The following EMILIN2 variants were observed in gnomAD, a reference collection of about 807,000 sequenced individuals.
The protein encoded by EMILIN2 is elastin microfibril interfacer 2.
Under a neutral mutation model 87.1 loss-of-function variants are expected in EMILIN2, and 71 were observed. The observed-to-expected ratio is 0.82, with a 90% CI of 0.67 to 0.99. EMILIN2 has a LOEUF of 0.99. EMILIN2 is among the 50% of genes least tolerant of loss of function. The pLI is 0.00. For synonymous variants in EMILIN2, 581 were observed against 563.4 expected (o/e 1.03, Z -0.44); for missense variants, 1,407 against 1,371.8 (o/e 1.03, Z -0.40).
intron 2 of EMILIN2, among the ~76,000 whole-genome samples, chr18:2,868,471 C>G (rs1486388223): frequency 6.6e-6 from 1 of 152,196 alleles, no homozygotes; most frequent in African/African-American, 2.4e-5. Flanking sequence ...TTGCAGCCAG[C>G]CAAGATCACA....
rs1345943316 is a variant in EMILIN2, at chr18:2,847,694, G to A, written c.135-115G>A. On this transcript the variant is annotated intron_variant, in intron 1 of 7. Coordinates refer to ENST00000254528, the MANE Select transcript of EMILIN2 (RefSeq NM_032048.3). The surrounding 1 kb of genome is among the most constrained non-coding windows in gnomAD (Gnocchi z 4.5). ...TCGGTGAAGCTCCCGCCTCCGCAGAGGGCGACGGGCCCCCCCGACCCTCGC... is the reference window on the plus strand; with the variant it reads ...TCGGTGAAGCTCCCGCCTCCGCAGAAGGCGACGGGCCCCCCCGACCCTCGC... The A allele has an allele frequency of 6.9e-7, 1 of 1,452,942 alleles. No individual in the cohort carries two copies. Among genetic ancestry groups the A allele is most frequent in the Admixed American group, 2.4e-5 (1 of 41,518 alleles). The allele number at this position is 1,452,942 out of a possible 1,614,324, so 90.0% of individuals were successfully genotyped here. A position where few individuals can be genotyped will look rare whatever the true frequency, so the allele number is the denominator to read the frequency against.
chr18:2,890,565 T>A lies in EMILIN2; in HGVS notation c.438T>A (p.Asn146Lys), dbSNP rs377507109. 3.2e-6 allele frequency: 5 copies of A among 1,562,470 alleles called. No homozygotes were observed. The highest frequency in any genetic ancestry group is 4.3e-6 in the Non-Finnish European group (5 of 1,151,634). The change falls in exon 4 of 8, where the codon AAT (asparagine) becomes AAA (lysine). Residue 146 changes from asparagine to lysine, a missense_variant. Asn to Lys is a moderately conservative substitution (Grantham distance 94, BLOSUM62 0). Transcript: ENST00000254528. This position sits in a 1 kb window ranked among gnomAD's most constrained non-coding sequence, Gnocchi z 4.7. ...PRNSLKKATD[N>K]EPSQFSEPRK... ...CCAACTTTATCTTTGTAACAGATAA[T>A]GAACCCAGCCAATTCTCAGAGCCCA...
At position 2,847,932 on chromosome 18, in the gene EMILIN2, G is replaced by T; in HGVS notation, c.257+1G>T. ...AGATGCCCTGTCCGTCGGCGCTGGT[G>T]TAAGTCCTGGAGCCGGGGAGCGGGC... On this transcript the variant is annotated splice_donor_variant, in intron 2 of 7. Transcript: ENST00000254528. LOFTEE classifies it high-confidence loss of function. This position sits in a 1 kb window ranked among gnomAD's most constrained non-coding sequence, Gnocchi z 4.5. The T allele has an allele frequency of 6.3e-7, 1 of 1,577,740 alleles. No individual in the cohort carries two copies. The highest frequency in any genetic ancestry group is 8.6e-7 in the Non-Finnish European group (1 of 1,160,306).
At position 2,907,062 on chromosome 18, in the gene EMILIN2, C is replaced by T. The variant is rs1389381381; in HGVS notation, c.2639C>T (p.Ala880Val). 2.4e-6 allele frequency: 3 copies of T among 1,257,920 alleles called. No homozygotes were observed. The highest frequency in any genetic ancestry group is 3.1e-4 in the Middle Eastern group (1 of 3,254). 77.9% of individuals were successfully genotyped at this position (1,257,920 alleles called of 1,614,324 possible). ...GQTGSGTVPGAEGFAGAPGYP... is the reference protein window; with the variant it reads ...GQTGSGTVPGVEGFAGAPGYP... Reference sequence around the variant, plus strand: ...ACCGGGAGCGGCACCGTCCCCGGCGCAGAAGGCTTCGCGGGCGCACCAGGT... The same window carrying T: ...ACCGGGAGCGGCACCGTCCCCGGCGTAGAAGGCTTCGCGGGCGCACCAGGT... Residue 880 changes from alanine (A) to valine (V), a missense_variant, in exon 5 of 8, where the codon GCA becomes GTA. Coordinates refer to ENST00000254528, the MANE Select transcript of EMILIN2 (RefSeq NM_032048.3).
chr18:2,906,223 C>G (rs920304162), intron 4 of EMILIN2: 1 of 152,226 alleles, frequency 6.6e-6, no homozygotes, highest in East Asian at 1.9e-4. Flanking sequence ...GGCCGGGAGA[C>G]GCACGCCAGG....
intron 3 of EMILIN2, among the ~76,000 whole-genome samples, chr18:2,888,401 G>A (rs182089097): frequency 2.4e-4 from 36 of 151,962 alleles, no homozygotes; most frequent in African/African-American, 8.0e-4. Context: ...TCAGTAACTT[G>A]TTTTTTTCTT....
At chr18:2,866,343 C>T (rs2076686777) in intron 2 of EMILIN2, among the ~76,000 whole-genome samples, 1 of 152,208 alleles carries the variant, frequency 6.6e-6, no homozygotes, top group Non-Finnish European at 1.5e-5. Flanking sequence ...GCTCCTTCCC[C>T]TCTATGATTT....
At chr18:2,896,486 ATATT>A (rs1194067632) in intron 4 of EMILIN2, among the ~76,000 whole-genome samples, 4 of 151,842 alleles carry the variant, frequency 2.6e-5, no homozygotes, top group Non-Finnish European at 5.9e-5. Flanking sequence ...AGATATATAT[ATATT>A]TGAGACAGGA....
intron 2 of EMILIN2, among the ~76,000 whole-genome samples, chr18:2,858,549 A>ATGTGTGTGTG (rs1343405991): frequency 2.3e-5 from 1 of 44,178 alleles, no homozygotes; most frequent in African/African-American, 1.5e-4. Context: ...ATATATATAT[A>ATGTGTGTGTG]TATATATATA....
intron 2 of EMILIN2, among the ~76,000 whole-genome samples, chr18:2,875,782 A>G (rs763756704): frequency 6.6e-6 from 1 of 152,204 alleles, no homozygotes; most frequent in Non-Finnish European, 1.5e-5. Flanking sequence ...AAGAATAACA[A>G]CTTCACTGTC....
intron 3 of EMILIN2, 114 bp downstream of exon 3, chr18:2,885,253 C>T (rs1006591825): frequency 9.5e-6 from 11 of 1,153,640 alleles, no homozygotes; most frequent in Non-Finnish European, 1.3e-5. Flanking sequence ...TCGAATAACA[C>T]ACATAGATAC....
At chr18:2,904,775 T>C (rs2076902250) in intron 4 of EMILIN2, among the ~76,000 whole-genome samples, 1 of 152,212 alleles carries the variant, frequency 6.6e-6, no homozygotes, top group Non-Finnish European at 1.5e-5. Context: ...GCTTTCCTCA[T>C]ATGTCAGGTG....
chr18:2,882,542 C>T (rs1320651105), intron 2 of EMILIN2, among the ~76,000 whole-genome samples: 2 of 151,946 alleles, frequency 1.3e-5, no homozygotes, highest in Non-Finnish European at 1.5e-5. Flanking sequence ...GCCATGGGCT[C>T]GAGACCAGCC....
In EMILIN2 at chr18:2,915,105, G is replaced by T. The variant is rs1226926520; in HGVS notation, c.*1701G>T. ...GGGGACGTGCTCAAGAGCTGCAGGG[G>T]CAGGGCCCAGGCAAAAGGTGGGTGA... is the stretch of plus-strand genomic sequence containing the variant. On this transcript the variant is annotated 3_prime_UTR_variant, in exon 8 of 8. Transcript: ENST00000254528. The T allele has an allele frequency of 2.6e-5, 4 of 152,332 alleles. No homozygotes were observed. The highest frequency in any genetic ancestry group is 2.6e-4 in the Admixed American group (4 of 15,294). The allele number at this position is 152,332 out of a possible 1,614,324, so 9.4% of individuals were successfully genotyped here.
intron 2 of EMILIN2, among the ~76,000 whole-genome samples, chr18:2,863,213 A>G (rs989748566): frequency 4.0e-5 from 6 of 151,770 alleles, no homozygotes; most frequent in African/African-American, 1.2e-4. Flanking sequence ...TTGTGTCTCT[A>G]TTTCCTTCAG....
intron 2 of EMILIN2, among the ~76,000 whole-genome samples, chr18:2,884,394 C>T (rs755624192): frequency 1.3e-5 from 2 of 148,254 alleles, no homozygotes; most frequent in Admixed American, 6.8e-5. Context: ...TACAGGCATG[C>T]GCCACAACAC....
chr18:2,900,329 A>G (rs2076883044), intron 4 of EMILIN2, among the ~76,000 whole-genome samples: 2 of 152,150 alleles, frequency 1.3e-5, no homozygotes, highest in South Asian at 4.1e-4. Flanking sequence ...CCAGAACTAC[A>G]AGCACACATT....
chr18:2,847,295 A>T lies in EMILIN2; in HGVS notation c.107A>T (p.Tyr36Phe), dbSNP rs1405948909. ...TGCCACGCCGGCCCGCAGCCCGGGT[A>T]TCCCGCGCGGCCCAGCGCCAGGAAC... Reference protein sequence around the residue: ...GLCHAGPQPGYPARPSARNKN... With the variant: ...GLCHAGPQPGFPARPSARNKN... Residue 36 changes from tyrosine to phenylalanine, a missense_variant, in exon 1 of 8, where the codon TAT (tyrosine) becomes TTT (phenylalanine). Coordinates refer to ENST00000254528, the MANE Select transcript of EMILIN2 (RefSeq NM_032048.3). The surrounding 1 kb of genome is among the most constrained non-coding windows in gnomAD (Gnocchi z 4.5). The T allele has an allele frequency of 4.6e-5, 61 of 1,312,488 alleles. No homozygotes were observed. The highest frequency in any genetic ancestry group is 5.8e-5 in the Non-Finnish European group (60 of 1,033,146). 81.3% of individuals were successfully genotyped at this position (1,312,488 alleles called of 1,614,324 possible). A position where few individuals can be genotyped will look rare whatever the true frequency, so the allele number is the denominator to read the frequency against.
At chr18:2,859,212 C>T (rs868538090) in intron 2 of EMILIN2, among the ~76,000 whole-genome samples, 19 of 152,142 alleles carry the variant, frequency 1.2e-4, no homozygotes, top group African/African-American at 4.1e-4. Context: ...CTTTTCACCA[C>T]ATACAAGCCA....
Sources: gnomAD v4.1 joint callset for allele counts (sites outside exome capture counted in the v4.1 genomes callset) on GRCh38, gnomAD v4.1.1 for gene constraint, Gnocchi (gnomAD v3.1) non-coding constraint, MANE v1.5 for transcripts, NCBI Gene and HGNC (gene_info 2026-07-23, HGNC 2026-07-21) for gene names.